Variants in CRISP1 observed in about 807,000 individuals in gnomAD.
CRISP1 encodes cysteine-rich secretory protein 1.
In CRISP1, 44 loss-of-function variants were observed where a neutral mutation model predicts 33.1. That is an observed-to-expected ratio of 1.33 (90% confidence interval 1.05 to 1.71). The LOEUF (loss-of-function observed/expected upper bound fraction) is 1.71, where lower values mean the gene tolerates loss of function less well. Among genes scored for constraint, CRISP1 ranks in the 40% most tolerant of loss-of-function variants. The pLI is 0.00. For missense variants in CRISP1, 390 were observed against 301.2 expected, an observed-to-expected ratio of 1.29 and a Z score of -2.18; for synonymous variants, 103 against 98.7, an observed-to-expected ratio of 1.04 and a Z score of -0.26.
chr6:49,870,741 G>T (rs751131079), upstream of CRISP1, among the ~76,000 whole-genome samples: 2 of 152,090 alleles, frequency 1.3e-5, no homozygotes, highest in Non-Finnish European at 2.9e-5. Context: ...ATTGTTTTCT[G>T]CTCCAAATTA....
At chr6:49,836,837 A>G (rs183058627) in intron 7 of CRISP1, among the ~76,000 whole-genome samples, 9 of 152,238 alleles carry the variant, frequency 5.9e-5, no homozygotes, top group Admixed American at 5.9e-4. Flanking sequence ...GCAATTGTAT[A>G]TTTGATAGTG....
At chr6:49,859,033 G>A (rs1771571832) in intron 1 of CRISP1, among the ~76,000 whole-genome samples, 1 of 152,116 alleles carries the variant, frequency 6.6e-6, no homozygotes, top group Admixed American at 6.6e-5. Flanking sequence ...CACATGGAAA[G>A]GGTAAGTGAG....
chr6:49,835,252 C>T lies in CRISP1; in HGVS notation c.*64G>A. The T allele has an allele frequency of 6.4e-7, 1 of 1,552,330 alleles. No homozygotes were observed. Among genetic ancestry groups the T allele is most frequent in the Non-Finnish European group, 8.8e-7 (1 of 1,142,658 alleles). On this transcript the variant is annotated 3_prime_UTR_variant, in exon 8 of 8. Transcript: ENST00000335847. Reference sequence around the variant, plus strand: ...GAAGCTACTGAACTATAGCAAAAGACATGAATCCAACAGACATCTCCTCCT... The same window carrying T: ...GAAGCTACTGAACTATAGCAAAAGATATGAATCCAACAGACATCTCCTCCT...
At chr6:49,857,503 TC>T in intron 1 of CRISP1, 101 bp from the exon 2 acceptor site, 1 of 1,121,896 alleles carries the variant, frequency 8.9e-7, no homozygotes, top group Non-Finnish European at 1.3e-6. Flanking sequence ...GCATTTTTTT[TC>T]CTAAAAGAAA....
In CRISP1 at chr6:49,863,933, C is replaced by T. The variant is rs113790086; in HGVS notation, c.-3+2496G>A. On this transcript the variant is annotated intron_variant, in intron 1 of 7. Coordinates refer to ENST00000335847, the MANE Select transcript of CRISP1 (RefSeq NM_001131.3). ...ACTGAGGTATAACTTACATATAACACAGCATGCAAGTCTTAAGTGTATAGT... is the reference window on the plus strand; with the variant it reads ...ACTGAGGTATAACTTACATATAACATAGCATGCAAGTCTTAAGTGTATAGT... Among the ~76,000 whole-genome samples the T allele has an allele frequency of 6.6e-3, 1,006 of 152,328 alleles. 6 individuals carry two copies. Among genetic ancestry groups the T allele is most frequent in the African/African-American group, 0.022 (919 of 41,588 alleles).
upstream of CRISP1, among the ~76,000 whole-genome samples, chr6:49,870,147 G>C (rs1043430604): frequency 6.6e-6 from 1 of 152,188 alleles, no homozygotes; most frequent in South Asian, 2.1e-4. Flanking sequence ...AAATTGCACT[G>C]TCACAAAAAC....
chr6:49,875,365 A>G (rs1772013816), intron 1 of CRISP1, among the ~76,000 whole-genome samples: 1 of 151,982 alleles, frequency 6.6e-6, no homozygotes, highest in African/African-American at 2.4e-5. Context: ...TTCATCAAGG[A>G]GAACTACAAA....
At chr6:49,874,700 A>G (rs986208296) in intron 1 of CRISP1, among the ~76,000 whole-genome samples, 1 of 152,148 alleles carries the variant, frequency 6.6e-6, no homozygotes, top group Non-Finnish European at 1.5e-5. Flanking sequence ...CAAAAAACTT[A>G]TCCACCACGA....
At chr6:49,854,089 C>T (rs889403195) in intron 2 of CRISP1, among the ~76,000 whole-genome samples, 3 of 152,170 alleles carry the variant, frequency 2.0e-5, no homozygotes, top group African/African-American at 7.2e-5. Flanking sequence ...TATCCTTCTT[C>T]CCTCAGTAAA....
At chr6:49,840,843 A>T in intron 6 of CRISP1, 55 bp downstream of exon 6, 2 of 1,383,790 alleles carry the variant, frequency 1.4e-6, no homozygotes. Context: ...ATGTTTGAAA[A>T]ACTAGATTAG....
chr6:49,863,894 T>A (rs1771722996), intron 1 of CRISP1, among the ~76,000 whole-genome samples: 1 of 152,246 alleles, frequency 6.6e-6, no homozygotes, highest in Non-Finnish European at 1.5e-5. Context: ...ATCTGTTATT[T>A]GTTTAAAAAA....
At chr6:49,854,655 C>T (rs951892718) in intron 2 of CRISP1, among the ~76,000 whole-genome samples, 1 of 152,312 alleles carries the variant, frequency 6.6e-6, no homozygotes, top group South Asian at 2.1e-4. Context: ...GAAAATATCG[C>T]CAACTCTGGC....
chr6:49,868,699 A>G (rs540072796), upstream of CRISP1, among the ~76,000 whole-genome samples: 2 of 152,166 alleles, frequency 1.3e-5, no homozygotes, highest in African/African-American at 2.4e-5. Flanking sequence ...CACTTTCTCC[A>G]TGACTGAACT....
At chr6:49,857,873 A>C (rs556150958) in intron 1 of CRISP1, among the ~76,000 whole-genome samples, 4 of 152,290 alleles carry the variant, frequency 2.6e-5, no homozygotes, top group Admixed American at 6.5e-5. Context: ...CAAGCTAAGG[A>C]ATATGGATAG....
chr6:49,849,864 G>T (rs1289580306), intron 3 of CRISP1, among the ~76,000 whole-genome samples: 2 of 151,142 alleles, frequency 1.3e-5, no homozygotes, highest in African/African-American at 4.8e-5. Context: ...GGTTTTGTAG[G>T]TTTTGATAGT....
At chr6:49,849,665 C>A (rs1460903698) in intron 3 of CRISP1, among the ~76,000 whole-genome samples, 3 of 152,150 alleles carry the variant, frequency 2.0e-5, no homozygotes, top group African/African-American at 4.8e-5. Context: ...TTATGTAAAT[C>A]ATTCAGCTAC....
intron 3 of CRISP1, among the ~76,000 whole-genome samples, chr6:49,849,844 G>GT (rs1221916603): frequency 6.6e-6 from 1 of 151,860 alleles, no homozygotes; most frequent in Non-Finnish European, 1.5e-5. Flanking sequence ...CTAGCACTGG[G>GT]TAAAACCATG....
At chr6:49,872,020 TGTAAA>T (rs1199656344) in intron 1 of CRISP1, among the ~76,000 whole-genome samples, 1 of 152,126 alleles carries the variant, frequency 6.6e-6, no homozygotes, top group African/African-American at 2.4e-5. Context: ...CCACCAACAG[TGTAAA>T]AGTGTTCTTA....
chr6:49,874,154 C>G (rs1041958466), intron 1 of CRISP1, among the ~76,000 whole-genome samples: 1 of 151,884 alleles, frequency 6.6e-6, no homozygotes, highest in Non-Finnish European at 1.5e-5. Context: ...AATAATAGAA[C>G]CTTAGCAAGC....
Sources: allele counts gnomAD v4.1 joint callset (sites outside exome capture counted in the v4.1 genomes callset), GRCh38; gene constraint gnomAD v4.1.1; transcripts MANE v1.5; gene names NCBI Gene and HGNC (gene_info 2026-07-23, HGNC 2026-07-21).